Variants in DIPK1A observed in about 807,000 individuals in gnomAD.
DIPK1A encodes family with sequence similarity 69 member A.
A neutral mutation model predicts 40.8 loss-of-function variants in DIPK1A; 27 were observed. The ratio of observed to expected loss-of-function variants is 0.66; its 90% CI spans 0.49 to 0.91. The LOEUF is 0.91. Among genes scored for constraint, DIPK1A ranks in the 40% least tolerant of loss-of-function variants. DIPK1A has a pLI of 0.00. For missense variants in DIPK1A, 412 were observed against 505.7 expected, an observed-to-expected ratio of 0.81 and a Z score of 1.78; for synonymous variants, 166 against 171.3, an observed-to-expected ratio of 0.97 and a Z score of 0.24.
chr1:92,925,217 C>T (rs949130822), intron 1 of DIPK1A, among the ~76,000 whole-genome samples: 4 of 152,224 alleles, frequency 2.6e-5, no homozygotes, highest in East Asian at 1.9e-4. Flanking sequence ...TTTTGTTAAA[C>T]AGCTTTATGT....
At chr1:92,946,778 A>G (rs2100901887) in intron 1 of DIPK1A, among the ~76,000 whole-genome samples, 1 of 152,160 alleles carries the variant, frequency 6.6e-6, no homozygotes, top group South Asian at 2.1e-4. Context: ...CCCTGCCTCT[A>G]TAAAAAAATA....
intron 1 of DIPK1A, among the ~76,000 whole-genome samples, chr1:92,892,993 G>A (rs1248755951): frequency 6.6e-6 from 1 of 152,112 alleles, no homozygotes; most frequent in African/African-American, 2.4e-5. Context: ...CAAGAAATAT[G>A]TGACTATGTG....
chr1:92,894,377 A>G (rs1380122785), intron 1 of DIPK1A, among the ~76,000 whole-genome samples: 3 of 152,148 alleles, frequency 2.0e-5, no homozygotes, highest in Non-Finnish European at 4.4e-5. Flanking sequence ...CTACATGGAA[A>G]CTGAACAATC....
chr1:92,835,680 T>A (rs1003858882), intron 4 of DIPK1A, among the ~76,000 whole-genome samples: 46 of 112,652 alleles, frequency 4.1e-4, no homozygotes, highest in Admixed American at 8.7e-4. Context: ...AAAAAAAAAA[T>A]GAGAATCTTA....
At chr1:92,888,737 A>G (rs1648720637) in intron 1 of DIPK1A, among the ~76,000 whole-genome samples, 1 of 152,162 alleles carries the variant, frequency 6.6e-6, no homozygotes, top group Non-Finnish European at 1.5e-5. Context: ...CTGGGTTTAG[A>G]TATCTCATTG....
chr1:92,838,520 T>C (rs959891571), downstream of DIPK1A, among the ~76,000 whole-genome samples: 7 of 152,244 alleles, frequency 4.6e-5, no homozygotes, highest in African/African-American at 1.7e-4. Flanking sequence ...CCTAATGCTT[T>C]CCTGTATATG....
chr1:92,919,699 C>T (rs907188762), intron 1 of DIPK1A, among the ~76,000 whole-genome samples: 1 of 152,124 alleles, frequency 6.6e-6, no homozygotes, highest in East Asian at 1.9e-4. Flanking sequence ...AAAAATTTAT[C>T]CAGACAAGGA....
chr1:92,857,352 G>A (rs533362631), intron 2 of DIPK1A, among the ~76,000 whole-genome samples: 171 of 143,932 alleles, frequency 1.2e-3, no homozygotes, highest in African/African-American at 3.7e-3. Context: ...ATGGAGTTTC[G>A]CTTTTGTCAC....
chr1:92,905,172 C>T (rs1372791876), intron 1 of DIPK1A, among the ~76,000 whole-genome samples: 1 of 152,104 alleles, frequency 6.6e-6, no homozygotes, highest in Non-Finnish European at 1.5e-5. Flanking sequence ...GTATACCTAG[C>T]AGTGGGATTG....
intron 1 of DIPK1A, chr1:92,931,243 C>T (rs967186968): frequency 1.3e-4 from 21 of 156,176 alleles, no homozygotes; most frequent in African/African-American, 2.6e-4. Context: ...ACATAAACTG[C>T]GGTACATCAG....
At chr1:92,893,525 C>T (rs1436324047) in intron 1 of DIPK1A, among the ~76,000 whole-genome samples, 1 of 152,006 alleles carries the variant, frequency 6.6e-6, no homozygotes. Flanking sequence ...AAAGGAACAA[C>T]CGGTACCAGC....
chr1:92,887,907 G>A (rs1648686199), intron 1 of DIPK1A, among the ~76,000 whole-genome samples: 1 of 151,764 alleles, frequency 6.6e-6, no homozygotes, highest in African/African-American at 2.4e-5. Context: ...ACTGCCTATT[G>A]CATTAAATAC....
At chr1:92,852,927 A>G (rs1293133729) in intron 2 of DIPK1A, among the ~76,000 whole-genome samples, 3 of 152,048 alleles carry the variant, frequency 2.0e-5, no homozygotes, top group African/African-American at 7.2e-5. Context: ...ATGTAGTACT[A>G]GCTACTTGGG....
rs111444564 is a variant in DIPK1A, at chr1:92,931,996, G to C, written c.54+29380C>G. On this transcript the variant is annotated intron_variant, in intron 1 of 4. Transcript: ENST00000370310. Reference sequence around the variant, plus strand: ...TAACAGATAGACTGATAACATATTTGCAATAAAATCTTGGGCCAAAAGAAA... The same window carrying C: ...TAACAGATAGACTGATAACATATTTCCAATAAAATCTTGGGCCAAAAGAAA... The C allele has an allele frequency of 7.0e-3, 3,469 of 498,344 alleles. 48 individuals are homozygous for C. The highest frequency in any genetic ancestry group is 0.033 in the African/African-American group (1,613 of 48,672). The allele number at this position is 498,344 out of a possible 1,614,324, so 30.9% of individuals were successfully genotyped here. A position where few individuals can be genotyped will look rare whatever the true frequency, so the allele number is the denominator to read the frequency against.
Position 92,903,139 on chromosome 1 carries a change from G to A in DIPK1A, c.55-26709C>T, listed in dbSNP as rs535593761. The stretch of plus-strand genomic sequence containing the variant: ...GCTTACTGCAGTCTTGACCTCCCAG[G>A]ACCTCAGGTGATCCTCCCACCTCAG... On this transcript the variant is annotated intron_variant, in intron 1 of 4. Coordinates refer to ENST00000370310, the MANE Select transcript of DIPK1A (RefSeq NM_001006605.5). 7.9e-5 allele frequency among the ~76,000 whole-genome samples: 12 copies of A among 152,170 alleles called. No homozygotes were observed. The East Asian group carries it at 2.3e-3, about 29-fold the overall frequency.
chr1:92,943,542 A>T (rs932156983), intron 1 of DIPK1A, among the ~76,000 whole-genome samples: 1 of 151,990 alleles, frequency 6.6e-6, no homozygotes, highest in African/African-American at 2.4e-5. Context: ...CACAGAGATC[A>T]TAGGCAGCCT....
intron 4 of DIPK1A, chr1:92,836,916 A>C (rs1687154103): frequency 4.5e-6 from 1 of 224,198 alleles, no homozygotes; most frequent in African/African-American, 2.3e-5. Flanking sequence ...GAGTCTGTGC[A>C]TCTTGATTTA....
chr1:92,882,359 G>T (rs1351811944), intron 1 of DIPK1A, among the ~76,000 whole-genome samples: 2 of 152,206 alleles, frequency 1.3e-5, no homozygotes, highest in African/African-American at 2.4e-5. Flanking sequence ...TTGCACTCCA[G>T]CCTGGGCGAC....
chr1:92,833,517 C>T, intron 4 of DIPK1A: 1 of 1,611,342 alleles, frequency 6.2e-7, no homozygotes. Context: ...AGTGGAGTAT[C>T]CTTTCTACAA....
Sources: gnomAD v4.1 joint callset for allele counts (sites outside exome capture counted in the v4.1 genomes callset) on GRCh38, gnomAD v4.1.1 for gene constraint, MANE v1.5 for transcripts, NCBI Gene and HGNC (gene_info 2026-07-23, HGNC 2026-07-21) for gene names.